The following CCDC148 variants were observed in gnomAD, a reference collection of about 807,000 sequenced individuals.
The protein encoded by CCDC148 is coiled-coil domain-containing protein 148.
In CCDC148, 89 loss-of-function variants were observed where a neutral mutation model predicts 85.7. The observed-to-expected ratio is 1.04, with a 90% CI of 0.87 to 1.24. The LOEUF (loss-of-function observed/expected upper bound fraction) is 1.24, where lower values mean the gene tolerates loss of function less well. Ranked by LOEUF, CCDC148 falls within the 50% of genes most tolerant of loss-of-function variation. The pLI is 0.00. For missense variants in CCDC148, 692 were observed against 671.7 expected, an observed-to-expected ratio of 1.03 and a Z score of -0.33; for synonymous variants, 230 against 213.9, an observed-to-expected ratio of 1.08 and a Z score of -0.66.
At chr2:158,320,082 T>C (rs893131163) in intron 7 of CCDC148, among the ~76,000 whole-genome samples, 5 of 152,196 alleles carry the variant, frequency 3.3e-5, no homozygotes, top group African/African-American at 1.2e-4. Context: ...TTACCTTATA[T>C]AGACATTATG....
In CCDC148 at chr2:158,192,875, G is replaced by T. The variant is rs544222973; in HGVS notation, c.1371-13879C>A. 9.9e-4 allele frequency among the ~76,000 whole-genome samples: 149 copies of T among 150,208 alleles called. 1 individual carries two copies. The highest frequency in any genetic ancestry group is 5.8e-4 in the Non-Finnish European group (39 of 67,718). On this transcript the variant is annotated intron_variant, in intron 11 of 13. Coordinates refer to ENST00000283233, the MANE Select transcript of CCDC148 (RefSeq NM_138803.4). ...ATGGTCTAAATAGAAAAAAAAAAAA[G>T]GCTATTTTATTTTCTCTAAAAGCAA...
chr2:158,339,123 G>T, intron 5 of CCDC148, 38 bp from the exon 6 acceptor site: 1 of 1,324,188 alleles, frequency 7.6e-7, no homozygotes, highest in South Asian at 1.2e-5. Context: ...GCAAATTATT[G>T]CAATTCATTC....
chr2:158,186,801 A>AT (rs913369997), intron 11 of CCDC148, among the ~76,000 whole-genome samples: 13 of 151,586 alleles, frequency 8.6e-5, no homozygotes, highest in African/African-American at 3.2e-4. Context: ...CCCTCCTGAA[A>AT]TTTTTTTTCT....
intron 1 of CCDC148, among the ~76,000 whole-genome samples, chr2:158,369,395 G>A (rs1025049613): frequency 2.6e-5 from 4 of 151,956 alleles, no homozygotes; most frequent in African/African-American, 9.7e-5. Flanking sequence ...TCACTTCCAT[G>A]GTTAGCTGTA....
intron 1 of CCDC148, among the ~76,000 whole-genome samples, chr2:158,433,091 A>AAAT (rs1553521585): frequency 1.9e-4 from 10 of 51,338 alleles, no homozygotes; most frequent in African/African-American, 3.3e-4. Context: ...AAAAAAAAAA[A>AAAT]ATATATATAT....
At chr2:158,207,375 A>T (rs1198591032) in intron 11 of CCDC148, 1 of 152,216 alleles carries the variant, frequency 6.6e-6, no homozygotes, top group Non-Finnish European at 1.5e-5. Flanking sequence ...GCTATTTCTC[A>T]CAAAGACAGA....
intron 11 of CCDC148, among the ~76,000 whole-genome samples, chr2:158,209,854 A>G (rs1304737007): frequency 1.3e-5 from 2 of 152,250 alleles, no homozygotes; most frequent in Non-Finnish European, 1.5e-5. Flanking sequence ...AGCCACTGCA[A>G]AAACATACCA....
At chr2:158,311,388 G>T (rs1032042753) in intron 8 of CCDC148, among the ~76,000 whole-genome samples, 2 of 152,194 alleles carry the variant, frequency 1.3e-5, no homozygotes, top group African/African-American at 4.8e-5. Context: ...GGAGAATCAG[G>T]CAGGGAAGTT....
intron 7 of CCDC148, among the ~76,000 whole-genome samples, chr2:158,322,647 T>C (rs1692573768): frequency 6.6e-6 from 1 of 152,018 alleles, no homozygotes; most frequent in African/African-American, 2.4e-5. Flanking sequence ...GAAAAGCTCA[T>C]AGAGCACTAA....
In CCDC148 at chr2:158,417,961, A is replaced by T. The variant is rs760011290; in HGVS notation, c.25+38454T>A. 5.9e-5 allele frequency among the ~76,000 whole-genome samples: 9 copies of T among 152,206 alleles called. 1 individual carries two copies. In the South Asian group the frequency reaches 6.2e-4, roughly 10 times the overall value. ...ATAAAACTTTGGCAAATGATTTTTTAAAAATATGCATAGTTCAAATCTAAA... is the reference window on the plus strand; with the variant it reads ...ATAAAACTTTGGCAAATGATTTTTTTAAAATATGCATAGTTCAAATCTAAA... On this transcript the variant is annotated intron_variant, in intron 1 of 13. Transcript: ENST00000283233.
intron 7 of CCDC148, among the ~76,000 whole-genome samples, chr2:158,314,576 T>G (rs1045884304): frequency 2.6e-5 from 4 of 152,226 alleles, no homozygotes; most frequent in Non-Finnish European, 4.4e-5. Flanking sequence ...AGAACACTCC[T>G]AGGCACCATC....
At chr2:158,208,047 G>T (rs1345625450) in intron 11 of CCDC148, among the ~76,000 whole-genome samples, 1 of 151,730 alleles carries the variant, frequency 6.6e-6, no homozygotes, top group Admixed American at 6.6e-5. Context: ...GTTGTTATTG[G>T]TAGTGAACTT....
At chr2:158,446,940 G>C (rs1688180361) in intron 1 of CCDC148, among the ~76,000 whole-genome samples, 1 of 152,088 alleles carries the variant, frequency 6.6e-6, no homozygotes, top group Non-Finnish European at 1.5e-5. Flanking sequence ...CCATGTATCA[G>C]TAGTTCATTA....
intron 9 of CCDC148, among the ~76,000 whole-genome samples, chr2:158,279,146 C>G (rs1048578403): frequency 4.6e-5 from 7 of 152,156 alleles, no homozygotes; most frequent in Admixed American, 2.0e-4. Flanking sequence ...CATCATCAAA[C>G]ACCAAAAGTA....
In CCDC148 at chr2:158,204,119, A is replaced by C. The variant is rs1686106738; in HGVS notation, c.1370+16476T>G. Among the ~76,000 whole-genome samples, 3 of 152,200 alleles carry C rather than the reference A, an allele frequency of 2.0e-5. No individual in the cohort carries two copies. The South Asian group carries it at 6.2e-4, about 31-fold the overall frequency. The stretch of plus-strand genomic sequence containing the variant: ...TATTTATTGAGATTGAGTTACCTAC[A>C]ATGTGCCAGATACAAAGGTAGGATG... On this transcript the variant is annotated intron_variant, in intron 11 of 13. Transcript: ENST00000283233.
intron 11 of CCDC148, among the ~76,000 whole-genome samples, chr2:158,210,787 C>G (rs921530584): frequency 1.1e-4 from 10 of 89,484 alleles, no homozygotes; most frequent in African/African-American, 4.9e-4. Flanking sequence ...ACTAAAAATA[C>G]AAAAAAAAAA....
intron 1 of CCDC148, among the ~76,000 whole-genome samples, chr2:158,430,349 C>T (rs891604318): frequency 1.3e-5 from 2 of 152,008 alleles, no homozygotes; most frequent in Non-Finnish European, 1.5e-5. Flanking sequence ...CAAAACAAGG[C>T]CAAAAACTAA....
chr2:158,357,832 G>T (rs1683741028), intron 2 of CCDC148, among the ~76,000 whole-genome samples: 2 of 152,158 alleles, frequency 1.3e-5, no homozygotes, highest in South Asian at 4.1e-4. Flanking sequence ...GTAACAAGTT[G>T]CTTCACCTAA....
chr2:158,313,642 G>A, intron 8 of CCDC148, 114 bp downstream of exon 8: 1 of 1,062,612 alleles, frequency 9.4e-7, no homozygotes, highest in Non-Finnish European at 1.3e-6. Flanking sequence ...TTTTCTAGAG[G>A]GTAGGAAAAA....
Sources: gnomAD v4.1 joint callset for allele counts (sites outside exome capture counted in the v4.1 genomes callset) on GRCh38, gnomAD v4.1.1 for gene constraint, MANE v1.5 for transcripts, NCBI Gene and HGNC (gene_info 2026-07-23, HGNC 2026-07-21) for gene names.